SNX10: variants seen among roughly 807,000 people sequenced by gnomAD.
SNX10 encodes the protein sorting nexin 10, also known as sorting nexin-10.
SNX10 carries 25 observed loss-of-function variants against 28.5 expected under a neutral mutation model. The ratio of observed to expected loss-of-function variants is 0.88; its 90% CI spans 0.64 to 1.22. SNX10 has a LOEUF of 1.22. SNX10 is among the 50% of genes most tolerant of loss of function. The pLI is 0.00. For missense variants in SNX10, 223 were observed against 242.6 expected, an observed-to-expected ratio of 0.92 and a Z score of 0.54; for synonymous variants, 62 against 81.4, an observed-to-expected ratio of 0.76 and a Z score of 1.28.
chr7:26,346,084 G>T (rs1015960068), intron 1 of SNX10, among the ~76,000 whole-genome samples: 2 of 152,128 alleles, frequency 1.3e-5, no homozygotes, highest in Non-Finnish European at 2.9e-5. Context: ...GCATCCCCCC[G>T]CACATGGCTT....
intron 1 of SNX10, among the ~76,000 whole-genome samples, chr7:26,307,540 C>T (rs551474090): frequency 2.6e-5 from 4 of 152,314 alleles, no homozygotes; most frequent in African/African-American, 9.6e-5. Context: ...CTCTGCCTCC[C>T]AGGCTCAAGC....
At chr7:26,333,134 C>G (rs374788599) in intron 1 of SNX10, among the ~76,000 whole-genome samples, 1 of 151,982 alleles carries the variant, frequency 6.6e-6, no homozygotes, top group Admixed American at 6.6e-5. Flanking sequence ...TGATAGTGAT[C>G]GTGCTTGAAT....
chr7:26,365,194 C>T, intron 5 of SNX10, 49 bp downstream of exon 5: 3 of 1,084,446 alleles, frequency 2.8e-6, no homozygotes, highest in Non-Finnish European at 4.3e-6. Flanking sequence ...TGAGCAAGTG[C>T]TTTACAAGAG....
At chr7:26,370,833 TC>T (rs1324622172) in intron 5 of SNX10, 2 of 152,202 alleles carry the variant, frequency 1.3e-5, no homozygotes, top group African/African-American at 4.8e-5. Flanking sequence ...GTTAGTTTTG[TC>T]CCCTGTATCT....
chr7:26,354,661 G>T (rs1788744653), intron 2 of SNX10, among the ~76,000 whole-genome samples: 1 of 151,970 alleles, frequency 6.6e-6, no homozygotes, highest in South Asian at 2.1e-4. Context: ...GATTACAGGA[G>T]AGAGCCACCT....
chr7:26,345,020 C>T (rs1041598661), intron 1 of SNX10, among the ~76,000 whole-genome samples: 2 of 152,202 alleles, frequency 1.3e-5, no homozygotes, highest in African/African-American at 2.4e-5. Flanking sequence ...CCCCCTCCTC[C>T]GTCTTCGTCT....
At chr7:26,305,863 T>G (rs1025446302) in intron 1 of SNX10, among the ~76,000 whole-genome samples, 2 of 152,156 alleles carry the variant, frequency 1.3e-5, no homozygotes, top group African/African-American at 4.8e-5. Context: ...GAATAATAAC[T>G]TTGGCATTTC....
At chr7:26,305,396 T>G (rs1786545816) in intron 1 of SNX10, among the ~76,000 whole-genome samples, 1 of 152,344 alleles carries the variant, frequency 6.6e-6, no homozygotes, top group South Asian at 2.1e-4. Flanking sequence ...TATCACACTG[T>G]AATTATCTTC....
intron 1 of SNX10, among the ~76,000 whole-genome samples, chr7:26,327,735 T>C (rs1363346996): frequency 8.5e-5 from 12 of 141,018 alleles, no homozygotes; most frequent in Admixed American, 1.4e-4. Flanking sequence ...TCTTTTTTTT[T>C]TTTTTTTTTT....
intron 1 of SNX10, among the ~76,000 whole-genome samples, chr7:26,315,298 T>C (rs1256673169): frequency 6.6e-6 from 1 of 152,208 alleles, no homozygotes; most frequent in Non-Finnish European, 1.5e-5. Context: ...AATTTAACTT[T>C]ATACAGTACA....
At chr7:26,332,711 A>G (rs1787791312) in intron 1 of SNX10, among the ~76,000 whole-genome samples, 1 of 152,196 alleles carries the variant, frequency 6.6e-6, no homozygotes, top group Non-Finnish European at 1.5e-5. Flanking sequence ...TTGCTCTTAC[A>G]AAATGGTATT....
chr7:26,335,988 C>T (rs947829824), intron 1 of SNX10, among the ~76,000 whole-genome samples: 9 of 151,990 alleles, frequency 5.9e-5, no homozygotes, highest in Non-Finnish European at 1.0e-4. Context: ...GCCTCGGCCT[C>T]CCAAAGTGCT....
At chr7:26,319,987 A>G (rs1562793561) in intron 1 of SNX10, among the ~76,000 whole-genome samples, 1 of 151,476 alleles carries the variant, frequency 6.6e-6, no homozygotes, top group Non-Finnish European at 1.5e-5. Flanking sequence ...TAATTAATTA[A>G]TTTATTTATT....
At chr7:26,340,533 A>G (rs2014728) in intron 1 of SNX10, among the ~76,000 whole-genome samples, 18,026 of 152,278 alleles carry the variant, frequency 0.12, 1,141 homozygotes, top group East Asian at 0.17. Context: ...GGTAGAAAAT[A>G]GAGGAAGCTT....
rs1785942328 is a variant in SNX10, at chr7:26,292,043, C to G, written c.-67C>G. The G allele has an allele frequency of 6.6e-6, 1 of 152,382 alleles. No individual in the cohort carries two copies. The highest frequency in any genetic ancestry group is 6.6e-5 in the Admixed American group (1 of 15,212). The allele number at this position is 152,382 out of a possible 1,614,324, so 9.4% of individuals were successfully genotyped here. ...CAGCAAACTCCGCGGCCCGCAAGCCCGGCTCGGCCCGGCCCTGCTCTGTTC... is the reference window on the plus strand; with the variant it reads ...CAGCAAACTCCGCGGCCCGCAAGCCGGGCTCGGCCCGGCCCTGCTCTGTTC... On this transcript the variant is annotated 5_prime_UTR_variant, in exon 1 of 7. Transcript: ENST00000338523.
chr7:26,369,761 A>C (rs1052369994), intron 5 of SNX10, among the ~76,000 whole-genome samples: 7 of 152,244 alleles, frequency 4.6e-5, no homozygotes, highest in Admixed American at 3.9e-4. Flanking sequence ...ACGCTGGGAA[A>C]TAATGAGTCT....
Position 26,304,158 on chromosome 7 carries a change from C to G in SNX10, c.-24+12072C>G, listed in dbSNP as rs554484065. Reference sequence around the variant, plus strand: ...AAACTTGGCTTCTGTAGCCTTGGGTCACTCCTCCTCGGCTTGCCTACTCAC... The same window carrying G: ...AAACTTGGCTTCTGTAGCCTTGGGTGACTCCTCCTCGGCTTGCCTACTCAC... On this transcript the variant is annotated intron_variant, in intron 1 of 6. Coordinates refer to ENST00000338523, the MANE Select transcript of SNX10 (RefSeq NM_013322.3). Among the ~76,000 whole-genome samples, 92 of 152,250 alleles carry G rather than the reference C, an allele frequency of 6.0e-4. 1 individual carries two copies. Among genetic ancestry groups the G allele is most frequent in the African/African-American group, 2.1e-3 (87 of 41,554 alleles).
intron 1 of SNX10, among the ~76,000 whole-genome samples, chr7:26,315,796 G>A (rs1787061538): frequency 6.6e-6 from 1 of 152,106 alleles, no homozygotes; most frequent in Non-Finnish European, 1.5e-5. Context: ...TTTCTTTTAT[G>A]TAAATAAAAT....
chr7:26,346,206 T>A (rs10951130), intron 1 of SNX10, among the ~76,000 whole-genome samples: 249 of 152,062 alleles, frequency 1.6e-3, no homozygotes, highest in Non-Finnish European at 2.8e-3. Flanking sequence ...CCTTGGACTC[T>A]TTGGGGTCCA....
Sources: allele counts gnomAD v4.1 joint callset (sites outside exome capture counted in the v4.1 genomes callset), GRCh38; gene constraint gnomAD v4.1.1; transcripts MANE v1.5; gene names NCBI Gene and HGNC (gene_info 2026-07-23, HGNC 2026-07-21).